Variants in MIA2 observed in about 807,000 individuals in gnomAD.
MIA2 encodes the protein MIA SH3 domain ER export factor 2.
MIA2 carries 127 observed loss-of-function variants against 167.8 expected under a neutral mutation model. The observed-to-expected ratio is 0.76, with a 90% CI of 0.66 to 0.88. The LOEUF is 0.88. Among genes scored for constraint, MIA2 ranks in the 40% least tolerant of loss-of-function variants. The pLI is 0.00. For synonymous variants in MIA2, 552 were observed against 541.9 expected, an observed-to-expected ratio of 1.02 and a Z score of -0.26; for missense variants, 1,690 against 1,624.7, an observed-to-expected ratio of 1.04 and a Z score of -0.69.
At chr14:39,377,444 GA>G (rs898971895) in intron 23 of MIA2, among the ~76,000 whole-genome samples, 1 of 151,916 alleles carries the variant, frequency 6.6e-6, no homozygotes, top group African/African-American at 2.4e-5. Context: ...AGGAAAAATG[GA>G]AAAAAAGAAG....
At chr14:39,271,865 G>A (rs1272041015) in intron 6 of MIA2, among the ~76,000 whole-genome samples, 4 of 152,068 alleles carry the variant, frequency 2.6e-5, no homozygotes, top group Non-Finnish European at 5.9e-5. Flanking sequence ...AATTTATTAA[G>A]TGAAAGGAAA....
Position 39,247,275 on chromosome 14 carries a change from C to T in MIA2, c.701C>T (p.Ala234Val). 1 of 1,613,748 alleles carries T rather than the reference C, an allele frequency of 6.2e-7. No homozygotes were observed. The highest frequency in any genetic ancestry group is 8.5e-7 in the Non-Finnish European group (1 of 1,179,910). ...KEWFGLGGEQAEEKAFESVIE... is the reference protein window; with the variant it reads ...KEWFGLGGEQVEEKAFESVIE... ...TGGTTTGGATTGGGAGGAGAACAAG[C>T]TGAAGAGAAGGCTTTTGAATCAGTT... Residue 234 changes from alanine to valine, a missense_variant, in exon 4 of 29, where the codon GCT becomes GTT. Transcript: ENST00000640607.
chr14:39,300,268 C>G (rs1164136819), intron 14 of MIA2, among the ~76,000 whole-genome samples: 1 of 152,182 alleles, frequency 6.6e-6, no homozygotes, highest in Middle Eastern at 3.4e-3. Context: ...TACCATTTCT[C>G]TTCAGGATGC....
chr14:39,243,720 G>T (rs889719795), intron 3 of MIA2, among the ~76,000 whole-genome samples: 1 of 152,256 alleles, frequency 6.6e-6, no homozygotes, highest in African/African-American at 2.4e-5. Flanking sequence ...ACAAAAATTA[G>T]CCAGGTGTGG....
chr14:39,282,338 A>G (rs887147943), intron 9 of MIA2, among the ~76,000 whole-genome samples: 4 of 152,214 alleles, frequency 2.6e-5, no homozygotes, highest in African/African-American at 9.6e-5. Flanking sequence ...TTTTTGTAAA[A>G]TAAGTTTTAT....
rs969244454 is a variant in MIA2, at chr14:39,248,094, C to G, written c.1520C>G (p.Thr507Arg). 1 of 1,545,042 alleles carries G rather than the reference C, an allele frequency of 6.5e-7. No individual in the cohort carries two copies. Among genetic ancestry groups the G allele is most frequent in the African/African-American group, 1.4e-5 (1 of 72,126 alleles). ...GAATTTTCCATTGATAATTATCCCA[C>G]AGATAATACAAAAGTTATGATATTC... is the stretch of plus-strand genomic sequence containing the variant. ...TGEFSIDNYP[T>R]DNTKVMIFKS... The change falls in exon 4 of 29, where the codon ACA becomes AGA. Residue 507 changes from threonine to arginine, a missense_variant. Thr to Arg is a moderately conservative substitution (Grantham distance 71). Coordinates refer to ENST00000640607, the MANE Select transcript of MIA2 (RefSeq NM_001329214.4).
intron 23 of MIA2, among the ~76,000 whole-genome samples, chr14:39,320,680 C>A (rs1425014414): frequency 2.0e-5 from 3 of 152,082 alleles, no homozygotes; most frequent in Non-Finnish European, 4.4e-5. Flanking sequence ...TTATCATGAT[C>A]TTTTTATTCC....
chr14:39,373,746 G>A (rs560346005), intron 23 of MIA2, among the ~76,000 whole-genome samples: 1 of 152,248 alleles, frequency 6.6e-6, no homozygotes, highest in South Asian at 2.1e-4. Flanking sequence ...ACTTGAACCT[G>A]GGAGGCAGAG....
rs1355752132 is a variant in MIA2 at position 39,308,480 on chromosome 14, A to G, written c.2910A>G (p.Ala970=). Residue 970 remains alanine (A), a synonymous_variant, in exon 18 of 29, where the codon GCA becomes GCG. Transcript: ENST00000640607. ...EHIKNLQTEQ[A]SLQSENTHFE... is the part of the protein sequence containing the mutation. ...TTAAAAATCTTCAGACTGAACAAGC[A>G]TCTTTGCAGTCAGAAAACACACATT... 1.9e-5 allele frequency: 29 copies of G among 1,557,212 alleles called. No individual in the cohort carries two copies. Among genetic ancestry groups the G allele is most frequent in the Non-Finnish European group, 1.9e-5 (22 of 1,147,330 alleles).
In MIA2 at chr14:39,298,413, T is replaced by TTTTATATATATATA. The variant is rs1397878336; in HGVS notation, c.2497-1450_2497-1449insTTATATATATATAT. On this transcript the variant is annotated intron_variant, in intron 13 of 28. Coordinates refer to ENST00000640607, the MANE Select transcript of MIA2 (RefSeq NM_001329214.4). ...TTTACCTGTATCATCTGATTCTGTT[T>TTTTATATATATATA]TATATATATATATATATATATATAT... is the stretch of plus-strand genomic sequence containing the variant. 1.2e-3 allele frequency among the ~76,000 whole-genome samples: 32 copies of TTTTATATATATATA among 26,138 alleles called. 2 individuals are homozygous for TTTTATATATATATA. The highest frequency in any genetic ancestry group is 3.9e-3 in the African/African-American group (28 of 7,196). 17.1% of individuals were successfully genotyped at this position (26,138 alleles called of 152,430 possible). A position where few individuals can be genotyped will look rare whatever the true frequency, so the allele number is the denominator to read the frequency against.
intron 9 of MIA2, among the ~76,000 whole-genome samples, chr14:39,285,446 C>CGGGGCGGCT: frequency 9.6e-6 from 1 of 104,638 alleles, no homozygotes; most frequent in Admixed American, 8.7e-5. Flanking sequence ...ACCTTCCTCC[C>CGGGGCGGCT]GGACGGGGCG....
At chr14:39,238,252 A>G (rs1172600323) in intron 2 of MIA2, among the ~76,000 whole-genome samples, 1 of 151,110 alleles carries the variant, frequency 6.6e-6, no homozygotes, top group South Asian at 2.1e-4. Context: ...AGCTCACTGC[A>G]ACCTCTACTT....
intron 18 of MIA2, among the ~76,000 whole-genome samples, chr14:39,309,464 A>G (rs184017618): frequency 3.3e-5 from 5 of 152,306 alleles, no homozygotes; most frequent in East Asian, 1.9e-4. Context: ...TCTTCAGCAC[A>G]TTGACCTTAG....
chr14:39,365,312 T>A (rs777478120), intron 23 of MIA2, among the ~76,000 whole-genome samples: 10 of 152,150 alleles, frequency 6.6e-5, no homozygotes, highest in Non-Finnish European at 1.3e-4. Flanking sequence ...GTGATCTGCC[T>A]GCCTCAGCCT....
At chr14:39,283,595 A>G (rs1484357055) in intron 9 of MIA2, among the ~76,000 whole-genome samples, 3 of 152,182 alleles carry the variant, frequency 2.0e-5, no homozygotes, top group African/African-American at 7.2e-5. Flanking sequence ...CATTTGTTAC[A>G]TAGGTAAACT....
chr14:39,265,213 G>A, intron 6 of MIA2: 1 of 575,730 alleles, frequency 1.7e-6, no homozygotes, highest in Non-Finnish European at 3.1e-6. Flanking sequence ...ATTGGGTTAT[G>A]GGTTGGTAGT....
chr14:39,280,994 C>T lies in MIA2; in HGVS notation c.2130+1457C>T, dbSNP rs145477716. Among the ~76,000 whole-genome samples, 1,170 of 136,076 alleles carry T rather than the reference C, an allele frequency of 8.6e-3. 4 individuals carry two copies. Among genetic ancestry groups the T allele is most frequent in the Middle Eastern group, 0.019 (4 of 208 alleles). 89.3% of individuals were successfully genotyped at this position (136,076 alleles called of 152,430 possible). ...CTGCAGTACAGTGGTGTGATCTTGG[C>T]TCACTTCAATCTCCACTTCCTGGAC... On this transcript the variant is annotated intron_variant, in intron 9 of 28. Coordinates refer to ENST00000640607, the MANE Select transcript of MIA2 (RefSeq NM_001329214.4).
chr14:39,366,040 T>C (rs2074815691), intron 23 of MIA2, among the ~76,000 whole-genome samples: 1 of 152,208 alleles, frequency 6.6e-6, no homozygotes, highest in South Asian at 2.1e-4. Flanking sequence ...TTAGCTTTGA[T>C]TCTGGGTGCA....
intron 23 of MIA2, among the ~76,000 whole-genome samples, chr14:39,380,691 C>CAAAAAAAA (rs145179098): frequency 7.1e-5 from 6 of 85,002 alleles, no homozygotes; most frequent in South Asian, 3.7e-4. Flanking sequence ...GACTCAGACT[C>CAAAAAAAA]AAAAAAAAAA....
Sources: gnomAD v4.1 joint callset for allele counts (sites outside exome capture counted in the v4.1 genomes callset) on GRCh38, gnomAD v4.1.1 for gene constraint, MANE v1.5 for transcripts, NCBI Gene and HGNC (gene_info 2026-07-23, HGNC 2026-07-21) for gene names.